Variants in HEMK2 observed in about 807,000 individuals in gnomAD.
HEMK2 encodes the protein HemK methyltransferase 2, ETF1 glutamine and histone H4 lysine, also known as methyltransferase HEMK2.
At chr21:28,789,189 T>A in the HEMK2 span, among the ~76,000 whole-genome samples, 1 of 152,212 alleles carries the variant, frequency 6.6e-6, no homozygotes, top group African/African-American at 2.4e-5. Context: ...TGTAAGGACG[T>A]CCCAGGTAAC....
At chr21:28,721,446 G>A in the HEMK2 span, among the ~76,000 whole-genome samples, 1 of 152,046 alleles carries the variant, frequency 6.6e-6, no homozygotes, top group East Asian at 1.9e-4. Flanking sequence ...CCATATTGAA[G>A]TATTTTTACA....
At chr21:28,612,381 A>G in the HEMK2 span, among the ~76,000 whole-genome samples, 4 of 152,176 alleles carry the variant, frequency 2.6e-5, no homozygotes, top group African/African-American at 9.7e-5. Context: ...AAAATCCAAC[A>G]TCCCTTTATG....
At chr21:28,811,206 A>G in the HEMK2 span, among the ~76,000 whole-genome samples, 2 of 149,986 alleles carry the variant, frequency 1.3e-5, no homozygotes, top group Admixed American at 6.6e-5. Context: ...TTGAGATCTC[A>G]TCTCTAAAGA....
chr21:28,776,841 T>G, the HEMK2 span, among the ~76,000 whole-genome samples: 1 of 152,122 alleles, frequency 6.6e-6, no homozygotes, highest in African/African-American at 2.4e-5. Context: ...CCTTCCACGT[T>G]CTTCTGCCTG....
At chr21:28,825,248 G>A in the HEMK2 span, among the ~76,000 whole-genome samples, 2 of 152,108 alleles carry the variant, frequency 1.3e-5, no homozygotes, top group African/African-American at 2.4e-5. Context: ...CAAATTGCTG[G>A]GCACCACCTC....
At chr21:28,780,566 A>C in the HEMK2 span, among the ~76,000 whole-genome samples, 34 of 148,954 alleles carry the variant, frequency 2.3e-4, no homozygotes, top group South Asian at 6.5e-4. Context: ...CCGCCTTGGC[A>C]TCCCAAAGTG....
chr21:28,849,738 C>T, the HEMK2 span, among the ~76,000 whole-genome samples: 1 of 152,110 alleles, frequency 6.6e-6, no homozygotes, highest in Non-Finnish European at 1.5e-5. Flanking sequence ...ATAGTAAGTA[C>T]TGACAGCAGA....
chr21:28,831,477 A>AAGAG, the HEMK2 span, among the ~76,000 whole-genome samples: 9 of 51,288 alleles, frequency 1.8e-4, no homozygotes, highest in Non-Finnish European at 3.1e-4. Context: ...GAAAGAAAGA[A>AAGAG]AGAAAGAAAG....
the HEMK2 span, among the ~76,000 whole-genome samples, chr21:28,604,320 G>GT: frequency 1.3e-5 from 2 of 152,142 alleles, no homozygotes; most frequent in Non-Finnish European, 2.9e-5. Context: ...TAAATGACGA[G>GT]TTGATAGGTG....
the HEMK2 span, among the ~76,000 whole-genome samples, chr21:28,634,260 C>T: frequency 6.6e-6 from 1 of 152,078 alleles, no homozygotes; most frequent in Non-Finnish European, 1.5e-5. Context: ...GGGAAGTGTG[C>T]AAGGGGGGAA....
the HEMK2 span, among the ~76,000 whole-genome samples, chr21:28,680,285 A>G: frequency 8.0e-4 from 122 of 152,354 alleles, no homozygotes; most frequent in African/African-American, 2.9e-3. Context: ...CTACACAAAT[A>G]AATTAGAAAG....
chr21:28,824,719 T>C, the HEMK2 span, among the ~76,000 whole-genome samples: 1 of 152,172 alleles, frequency 6.6e-6, no homozygotes, highest in Non-Finnish European at 1.5e-5. Flanking sequence ...ATACTAAAAA[T>C]TATTCAAATA....
At chr21:28,830,959 C>G in the HEMK2 span, among the ~76,000 whole-genome samples, 4 of 151,392 alleles carry the variant, frequency 2.6e-5, no homozygotes, top group Non-Finnish European at 5.9e-5. Context: ...GTATTCTATC[C>G]ATCTGTAGAA....
At chr21:28,576,764 A>ACAATGGTGCAATCTCGGTT in the HEMK2 span, among the ~76,000 whole-genome samples, 1 of 152,184 alleles carries the variant, frequency 6.6e-6, no homozygotes, top group South Asian at 2.1e-4. Flanking sequence ...AGGCTGGAGT[A>ACAATGGTGCAATCTCGGTT]CAATGGTGCA....
chr21:28,876,092 A>C, the HEMK2 span: 1 of 192,448 alleles, frequency 5.2e-6, no homozygotes, highest in Non-Finnish European at 1.0e-5. Context: ...ATGGACTGGT[A>C]TGAAAAAAAA....
chr21:28,620,218 C>A, the HEMK2 span, among the ~76,000 whole-genome samples: 4 of 152,020 alleles, frequency 2.6e-5, no homozygotes, highest in Non-Finnish European at 5.9e-5. Flanking sequence ...GGGATATTGG[C>A]CTGAAATTTT....
chr21:28,728,626 A>G, the HEMK2 span, among the ~76,000 whole-genome samples: 1 of 152,244 alleles, frequency 6.6e-6, no homozygotes, highest in African/African-American at 2.4e-5. Context: ...GATCCAATCC[A>G]AATGTCATGG....
chr21:28,855,527 T>C, the HEMK2 span, among the ~76,000 whole-genome samples: 2 of 152,184 alleles, frequency 1.3e-5, no homozygotes, highest in Non-Finnish European at 2.9e-5. Flanking sequence ...ATGGGCCTAA[T>C]AGAACTCTTC....
At chr21:28,722,725 T>C in the HEMK2 span, among the ~76,000 whole-genome samples, 1 of 151,830 alleles carries the variant, frequency 6.6e-6, no homozygotes, top group African/African-American at 2.4e-5. Flanking sequence ...CTACCAAAAA[T>C]ACAAAAAAAT....
Sources: allele counts gnomAD v4.1 joint callset (sites outside exome capture counted in the v4.1 genomes callset), GRCh38; gene constraint gnomAD v4.1.1; transcripts MANE v1.5; gene names NCBI Gene and HGNC (gene_info 2026-07-23, HGNC 2026-07-21).